Variants in CNGB3 observed in about 807,000 individuals in gnomAD.
CNGB3 encodes cyclic nucleotide-gated channel beta-3.
In CNGB3, 86 loss-of-function variants were observed where a neutral mutation model predicts 92.8. The observed-to-expected ratio is 0.93, with a 90% confidence interval of 0.78 to 1.11. CNGB3 has a LOEUF of 1.11. CNGB3 is among the 50% of genes least tolerant of loss of function. The pLI, the probability that CNGB3 is intolerant of heterozygous loss-of-function variation, is 0.00. For synonymous variants in CNGB3, 333 were observed against 332.7 expected (o/e 1.00, Z -0.01); for missense variants, 1,026 against 956.8 (o/e 1.07, Z -0.95).
intron 8 of CNGB3, among the ~76,000 whole-genome samples, chr8:86,646,935 T>C (rs1228384809): frequency 6.6e-6 from 1 of 151,220 alleles, no homozygotes; most frequent in Non-Finnish European, 1.5e-5. Flanking sequence ...ACAGTCTCAC[T>C]CTTACTCTTG....
At chr8:86,603,247 A>C (rs1039724547) in intron 15 of CNGB3, among the ~76,000 whole-genome samples, 1 of 152,188 alleles carries the variant, frequency 6.6e-6, no homozygotes, top group Non-Finnish European at 1.5e-5. Flanking sequence ...ACTGGACTAT[A>C]AACTCTGTTA....
chr8:86,627,920 C>G (rs896024759), intron 12 of CNGB3, among the ~76,000 whole-genome samples: 2 of 152,168 alleles, frequency 1.3e-5, no homozygotes, highest in African/African-American at 4.8e-5. Context: ...TCTCCTTCTC[C>G]TCAGCCTACT....
chr8:86,596,517 G>T (rs114627723), intron 15 of CNGB3, among the ~76,000 whole-genome samples: 2,710 of 152,268 alleles, frequency 0.018, 75 homozygotes, highest in African/African-American at 0.062. Context: ...AAAAATGAAT[G>T]TGCATTTGTA....
chr8:86,654,349 G>C (rs1434568837), intron 6 of CNGB3, among the ~76,000 whole-genome samples: 1 of 152,002 alleles, frequency 6.6e-6, no homozygotes, highest in Non-Finnish European at 1.5e-5. Flanking sequence ...GTGGCAATTT[G>C]GCTTCTTCCT....
At chr8:86,647,755 A>T (rs781705504) in intron 8 of CNGB3, 46 bp downstream of exon 8, 9 of 987,208 alleles carry the variant, frequency 9.1e-6, no homozygotes, top group African/African-American at 1.6e-5. Context: ...GGAAATAGAA[A>T]TATTTCCATT....
At chr8:86,625,894 G>A in intron 13 of CNGB3, 89 bp downstream of exon 13, 1 of 1,062,020 alleles carries the variant, frequency 9.4e-7, no homozygotes, top group Non-Finnish European at 1.4e-6. Context: ...AAAACATAAG[G>A]CAAAAAAACT....
chr8:86,739,804 A>C, intron 1 of CNGB3, 68 bp from the exon 2 acceptor site: 1 of 1,533,946 alleles, frequency 6.5e-7, no homozygotes, highest in South Asian at 1.1e-5. Flanking sequence ...TGTAAAACAT[A>C]ACACCATTTT....
intron 15 of CNGB3, among the ~76,000 whole-genome samples, chr8:86,586,252 G>T (rs1266592564): frequency 6.6e-6 from 1 of 152,186 alleles, no homozygotes; most frequent in African/African-American, 2.4e-5. Context: ...CATGGGGTAA[G>T]TGTGTATGCA....
intron 3 of CNGB3, among the ~76,000 whole-genome samples, chr8:86,680,642 A>T (rs1267434339): frequency 6.6e-6 from 1 of 152,176 alleles, no homozygotes; most frequent in Non-Finnish European, 1.5e-5. Context: ...TCTTAGCAGG[A>T]TGGCAACAAT....
At chr8:86,593,630 AG>A in intron 15 of CNGB3, 1 of 480,554 alleles carries the variant, frequency 2.1e-6, no homozygotes, top group Non-Finnish European at 3.8e-6. Flanking sequence ...ATAAGGGGCG[AG>A]TGGGGTTCCC....
intron 3 of CNGB3, among the ~76,000 whole-genome samples, chr8:86,696,486 G>T (rs1824452864): frequency 6.6e-6 from 1 of 152,172 alleles, no homozygotes; most frequent in African/African-American, 2.4e-5. Flanking sequence ...CAAAGGGTCT[G>T]TGAATTCTTC....
intron 3 of CNGB3, among the ~76,000 whole-genome samples, chr8:86,709,287 T>C (rs879919019): frequency 1.3e-5 from 2 of 152,140 alleles, no homozygotes; most frequent in African/African-American, 4.8e-5. Context: ...GGTGGAAGCA[T>C]GTGGATTTTT....
chr8:86,633,109 C>T (rs1822993915), intron 10 of CNGB3, among the ~76,000 whole-genome samples: 2 of 152,088 alleles, frequency 1.3e-5, no homozygotes, highest in South Asian at 2.1e-4. Flanking sequence ...TGTTTACTAG[C>T]CGTTACCAAA....
chr8:86,575,912 A>G lies in CNGB3; in HGVS notation c.2322T>C (p.Val774=), dbSNP rs772725745. 8 of 1,613,952 alleles carry G rather than the reference A, an allele frequency of 5.0e-6. No individual in the cohort carries two copies. The highest frequency in any genetic ancestry group is 6.8e-6 in the Non-Finnish European group (8 of 1,179,976). ...EEEPHSVRRT[V]LPRGTSRQSL... The stretch of plus-strand genomic sequence containing the variant: ...ATTGACGAGAAGTCCCTCTGGGTAA[A>G]ACTGTCCTTCTAACTGAGTGGGGTT... Residue 774 remains valine (V), a synonymous_variant, in exon 18 of 18, where the codon GTT becomes GTC. Transcript: ENST00000320005.
Position 86,663,869 on chromosome 8 carries a change from T to G in CNGB3, c.852+3056A>C, listed in dbSNP as rs1823690925. 2.0e-5 allele frequency among the ~76,000 whole-genome samples: 3 copies of G among 152,332 alleles called. No homozygotes were observed. The South Asian group carries it at 6.2e-4, about 32-fold the overall frequency. On this transcript the variant is annotated intron_variant, in intron 6 of 17. Coordinates refer to ENST00000320005, the MANE Select transcript of CNGB3 (RefSeq NM_019098.5). ...TTTTAAATAGAGCCTGTTGAGTGTG[T>G]TTTTTACCGGTTATTTTTCTTGGTT...
intron 15 of CNGB3, chr8:86,593,731 G>T: frequency 1.0e-6 from 1 of 967,646 alleles, no homozygotes. Context: ...AGCAGTGGTG[G>T]GGGTGGAAGA....
At chr8:86,629,861 C>T in intron 11 of CNGB3, among the ~76,000 whole-genome samples, 1 of 152,176 alleles carries the variant, frequency 6.6e-6, no homozygotes, top group East Asian at 1.9e-4. Flanking sequence ...TATAGCTCGA[C>T]TCTTCCTCTC....
chr8:86,630,598 G>T (rs1585980146), intron 11 of CNGB3, among the ~76,000 whole-genome samples: 1 of 152,178 alleles, frequency 6.6e-6, no homozygotes, highest in East Asian at 1.9e-4. Context: ...GGGTGCAGTG[G>T]CTCCATGTCT....
Position 86,604,138 on chromosome 8 carries a change from T to G in CNGB3, c.1736A>C (p.Lys579Thr). The change falls in exon 15 of 18, where the codon AAA becomes ACA. Residue 579 changes from lysine to threonine, a missense_variant. Transcript: ENST00000320005. ...CCCAGCTTTCAGAGTAACCAGAACTTTAGTACCATCAGGGCCTCCAAGAAC... is the reference window on the plus strand; with the variant it reads ...CCCAGCTTTCAGAGTAACCAGAACTGTAGTACCATCAGGGCCTCCAAGAAC... ...VQVLGGPDGT[K>T]VLVTLKAGSV... The G allele has an allele frequency of 6.2e-7, 1 of 1,613,754 alleles. No individual in the cohort carries two copies. Among genetic ancestry groups the G allele is most frequent in the East Asian group, 2.2e-5 (1 of 44,856 alleles).
Sources: gnomAD v4.1 joint callset for allele counts (sites outside exome capture counted in the v4.1 genomes callset) on GRCh38, gnomAD v4.1.1 for gene constraint, MANE v1.5 for transcripts, NCBI Gene and HGNC (gene_info 2026-07-23, HGNC 2026-07-21) for gene names.